Variants in FN1 observed in about 807,000 individuals in gnomAD.
The protein encoded by FN1 is fibronectin 1, also known as fibronectin.
FN1 carries 106 observed loss-of-function variants against 297.3 expected under a neutral mutation model. The ratio of observed to expected loss-of-function variants is 0.36; its 90% CI spans 0.30 to 0.42. FN1 has a LOEUF of 0.42. Among genes scored for constraint, FN1 ranks in the 10% least tolerant of loss-of-function variants. FN1 has a pLI of 1.00. For missense variants in FN1, 2,690 were observed against 3,124.9 expected, an observed-to-expected ratio of 0.86 and a Z score of 3.32; for synonymous variants, 1,149 against 1,152.6, an observed-to-expected ratio of 1.00 and a Z score of 0.06.
intron 24 of FN1, among the ~76,000 whole-genome samples, chr2:215,394,262 T>A (rs1236010577): frequency 6.6e-6 from 1 of 152,130 alleles, no homozygotes; most frequent in Non-Finnish European, 1.5e-5. Flanking sequence ...GAGCAGACAA[T>A]ACAGAGTTAA....
At chr2:215,422,448 T>A (rs1009527904) in intron 9 of FN1, among the ~76,000 whole-genome samples, 4 of 152,152 alleles carry the variant, frequency 2.6e-5, no homozygotes, top group African/African-American at 9.7e-5. Context: ...TCCAAACGTG[T>A]CATAGAAAAT....
At chr2:215,401,045 C>T (rs998311303) in intron 20 of FN1, among the ~76,000 whole-genome samples, 2 of 150,018 alleles carry the variant, frequency 1.3e-5, no homozygotes, top group African/African-American at 4.9e-5. Flanking sequence ...ATCTACCCAC[C>T]TCGGCCTCCC....
At chr2:215,396,743 TA>T (rs2106139788) in intron 23 of FN1, among the ~76,000 whole-genome samples, 1 of 152,322 alleles carries the variant, frequency 6.6e-6, no homozygotes, top group East Asian at 1.9e-4. Context: ...AAAACATTCA[TA>T]AAACTTCAGG....
chr2:215,432,055 GCTAAA>G, intron 3 of FN1, 91 bp from the exon 4 acceptor site: 2 of 1,507,476 alleles, frequency 1.3e-6, no homozygotes, highest in Non-Finnish European at 1.8e-6. Context: ...ACTTAGGTTG[GCTAAA>G]GTAGAGACAC....
chr2:215,368,111 CAAT>C (rs1180201877), intron 41 of FN1, 84 bp from the exon 42 acceptor site: 11 of 1,375,666 alleles, frequency 8.0e-6, no homozygotes, highest in Non-Finnish European at 1.1e-5. Flanking sequence ...TGACTGTATA[CAAT>C]GACTTAATCT....
intron 33 of FN1, 108 bp downstream of exon 33, chr2:215,380,703 C>A (rs1333876168): frequency 4.1e-5 from 53 of 1,288,718 alleles, no homozygotes; most frequent in Non-Finnish European, 5.4e-5. Context: ...CCTAATAATT[C>A]TTTTTCACCC....
intron 30 of FN1, 88 bp from the exon 31 acceptor site, chr2:215,383,571 T>C (rs1389834990): frequency 8.1e-6 from 11 of 1,360,090 alleles, no homozygotes; most frequent in African/African-American, 5.7e-5. Context: ...CTGGTACATA[T>C]TCGAATGATC....
chr2:215,413,202 C>G (rs2062930954), intron 13 of FN1, among the ~76,000 whole-genome samples: 1 of 152,186 alleles, frequency 6.6e-6, no homozygotes, highest in Non-Finnish European at 1.5e-5. Flanking sequence ...TCCCTGCAAC[C>G]TTTGCCTCCT....
At chr2:215,373,213 AT>A in intron 39 of FN1, 108 bp downstream of exon 39, 3 of 857,360 alleles carry the variant, frequency 3.5e-6, no homozygotes, top group Non-Finnish European at 5.9e-6. Context: ...GATAAAAAAA[AT>A]CACAAGAAAT....
chr2:215,410,350 C>A (rs2062427365), intron 13 of FN1, among the ~76,000 whole-genome samples: 1 of 152,104 alleles, frequency 6.6e-6, no homozygotes. Flanking sequence ...CTTACTGATA[C>A]CCATACTCTG....
chr2:215,379,388 A>C (rs2057866487), intron 33 of FN1, 71 bp from the exon 34 acceptor site: 1 of 1,401,676 alleles, frequency 7.1e-7, no homozygotes, highest in Non-Finnish European at 1.0e-6. Flanking sequence ...AGTGAGTTCC[A>C]AGAAGTAGAA....
intron 20 of FN1, among the ~76,000 whole-genome samples, chr2:215,400,235 G>C (rs1319648476): frequency 6.6e-6 from 1 of 151,788 alleles, no homozygotes; most frequent in Non-Finnish European, 1.5e-5. Context: ...CCACAATAAT[G>C]GTCAGCTATT....
In FN1 at chr2:215,401,198, A is replaced by AAAGAAAGGAAAG. The variant is rs1425522048; in HGVS notation, c.3254-1848_3254-1847insCTTTCCTTTCTT. ...GAGAGAGAGTGAGAGAGAAAGAAAG[A>AAAGAAAGGAAAG]AAAGAAAGAAAGAAAGAAAGAAAGA... is the stretch of plus-strand genomic sequence containing the variant. On this transcript the variant is annotated intron_variant, in intron 20 of 45. Transcript: ENST00000354785. Among the ~76,000 whole-genome samples the AAAGAAAGGAAAG allele has an allele frequency of 3.5e-5, 3 of 86,780 alleles. 1 individual carries two copies. The highest frequency in any genetic ancestry group is 8.2e-4 in the South Asian group (2 of 2,452). 56.9% of individuals were successfully genotyped at this position (86,780 alleles called of 152,430 possible).
At chr2:215,378,621 T>C (rs1008581161) in intron 34 of FN1, among the ~76,000 whole-genome samples, 1 of 152,144 alleles carries the variant, frequency 6.6e-6, no homozygotes, top group Non-Finnish European at 1.5e-5. Flanking sequence ...AATGTTCCAT[T>C]TTGTCTCTGA....
chr2:215,421,120 T>C (rs2064267158), intron 10 of FN1: 1 of 345,114 alleles, frequency 2.9e-6, no homozygotes, highest in African/African-American at 2.1e-5. Flanking sequence ...TTTCTGAAAA[T>C]TTCTTGCTTA....
Position 215,380,962 on chromosome 2 carries a change from C to G in FN1, c.5283G>C (p.Glu1761Asp). ...SRYRVTYSSPEDGIHELFPAP... is the reference protein window; with the variant it reads ...SRYRVTYSSPDDGIHELFPAP... ...CAGGGAATAGCTCATGGATTCCATC[C>G]TCAGGGCTCGAGTAGGTCACCCTGT... Residue 1761 changes from glutamate to aspartate, a missense_variant, in exon 33 of 46, where the codon GAG becomes GAC. Around this residue, in one of 3 missense-constraint regions of FN1, gnomAD observed 1,743 missense variants for 1,945.2 expected, o/e 0.90. Coordinates refer to ENST00000354785, the MANE Select transcript of FN1 (RefSeq NM_212482.4). The G allele has an allele frequency of 6.2e-7, 1 of 1,614,240 alleles. No individual in the cohort carries two copies. The highest frequency in any genetic ancestry group is 8.5e-7 in the Non-Finnish European group (1 of 1,180,050).
At chr2:215,413,042 T>C (rs2062904721) in intron 13 of FN1, among the ~76,000 whole-genome samples, 2 of 152,212 alleles carry the variant, frequency 1.3e-5, no homozygotes, top group Admixed American at 1.3e-4. Context: ...TCAATGGAAT[T>C]ATTCCTCTTT....
At chr2:215,384,644 G>T (rs751609438) in intron 29 of FN1, 2 of 495,416 alleles carry the variant, frequency 4.0e-6, no homozygotes, top group Non-Finnish European at 7.3e-6. Context: ...CAGCTCTGCC[G>T]TTCCCCCTCT....
In FN1 at chr2:215,433,439, C is replaced by T; in HGVS notation, c.300G>A (p.Lys100=). ...CCACTCGGTAAGTGTTCCCAGTGTA[C>T]TTGTCAAAGCAAGTCTCTTCAGCTG... is the stretch of plus-strand genomic sequence containing the variant. ...KPEAEETCFD[K]YTGNTYRVGD... is the part of the protein sequence containing the mutation. The change falls in exon 3 of 46, where the codon AAG becomes AAA. Residue 100 remains lysine, a synonymous_variant. Coordinates refer to ENST00000354785, the MANE Select transcript of FN1 (RefSeq NM_212482.4). 1 of 1,614,126 alleles carries T rather than the reference C, an allele frequency of 6.2e-7. No individual in the cohort carries two copies. The highest frequency in any genetic ancestry group is 2.2e-5 in the East Asian group (1 of 44,868).
Sources: allele counts gnomAD v4.1 joint callset (sites outside exome capture counted in the v4.1 genomes callset), GRCh38; gene constraint gnomAD v4.1.1; regional missense constraint gnomAD v4.1.1; transcripts MANE v1.5; gene names NCBI Gene and HGNC (gene_info 2026-07-23, HGNC 2026-07-21).